NUMBL: variants seen among roughly 807,000 people sequenced by gnomAD.
NUMBL encodes NUMB like endocytic adaptor protein.
In NUMBL, 20 loss-of-function variants were observed where a neutral mutation model predicts 48.9. The observed-to-expected ratio is 0.41, with a 90% CI of 0.29 to 0.59. The LOEUF (loss-of-function observed/expected upper bound fraction) is 0.59. NUMBL is among the 20% of genes least tolerant of loss of function. The pLI, the probability that NUMBL is intolerant of heterozygous loss-of-function variation, is 0.31. For missense variants in NUMBL, 660 were observed against 846.2 expected, an observed-to-expected ratio of 0.78 and a Z score of 2.73; for synonymous variants, 340 against 348.7, an observed-to-expected ratio of 0.98 and a Z score of 0.28.
rs767929280 is a variant in NUMBL at position 40,666,139 on chromosome 19, G to GTTTTTTTTTTTTTTTT, written c.*1328_*1329insAAAAAAAAAAAAAAAA. On this transcript the variant is annotated 3_prime_UTR_variant, in exon 10 of 10. Transcript: ENST00000252891. ...ATTAATATTGAGCTAATTAGAAGTA[G>GTTTTTTTTTTTTTTTT]TTTTTTTTTTTTTGTTTTTTTTTTT... 2.4e-5 allele frequency: 3 copies of GTTTTTTTTTTTTTTTT among 125,968 alleles called. No homozygotes were observed. Among genetic ancestry groups the GTTTTTTTTTTTTTTTT allele is most frequent in the African/African-American group, 3.1e-5 (1 of 32,362 alleles). The allele number at this position is 125,968 out of a possible 1,614,324, so 7.8% of individuals were successfully genotyped here.
chr19:40,676,657 A>C (rs1230967164), intron 7 of NUMBL, among the ~76,000 whole-genome samples: 3 of 144,636 alleles, frequency 2.1e-5, no homozygotes, highest in Non-Finnish European at 4.5e-5. Context: ...ACACCATTGC[A>C]CTCCAGCCTG....
rs907555669 is a variant in NUMBL at position 40,690,479 on chromosome 19, G to A, written c.5C>T (p.Ser2Phe). ...TCTCACGCTGGCCGCCGCGCTGCGG[G>A]ACATCCAGGGCCCGGGCGCCCCCGC... Reference protein sequence around the residue: MSRSAAASGGPR... With the variant: MFRSAAASGGPR... Residue 2 changes from serine to phenylalanine, a missense_variant, in exon 1 of 10, where the codon TCC (serine) becomes TTC (phenylalanine). Ser to Phe is a radical substitution (Grantham distance 155). This residue lies in a region of NUMBL where 86 missense variants were observed against 85.9 expected (regional missense o/e 1.00). Transcript: ENST00000252891. The A allele has an allele frequency of 2.3e-6, 3 of 1,306,554 alleles. No homozygotes were observed. The highest frequency in any genetic ancestry group is 3.0e-5 in the African/African-American group (2 of 65,622). 80.9% of individuals were successfully genotyped at this position (1,306,554 alleles called of 1,614,324 possible).
At chr19:40,689,750 G>T (rs1024153852) in intron 1 of NUMBL, among the ~76,000 whole-genome samples, 3 of 152,182 alleles carry the variant, frequency 2.0e-5, no homozygotes, top group Admixed American at 6.5e-5. Context: ...TGGGGACAAA[G>T]GGGGTGGCCT....
In NUMBL at chr19:40,688,484, C is replaced by T. The variant is rs546856213; in HGVS notation, c.25-1489G>A. ...TTTACACAGAAGACACAGGTCCTGACGGAGCCATGTGCACAGTCAGGGGCC... is the reference window on the plus strand; with the variant it reads ...TTTACACAGAAGACACAGGTCCTGATGGAGCCATGTGCACAGTCAGGGGCC... On this transcript the variant is annotated intron_variant, in intron 1 of 9. Transcript: ENST00000252891. This position sits in a 1 kb window ranked among gnomAD's most constrained non-coding sequence, Gnocchi z 4.6. Among the ~76,000 whole-genome samples, 22 of 152,296 alleles carry T rather than the reference C, an allele frequency of 1.4e-4. No individual in the cohort carries two copies. Among genetic ancestry groups the T allele is most frequent in the East Asian group, 9.6e-4 (5 of 5,190 alleles).
chr19:40,677,074 A>G (rs1054387584), intron 7 of NUMBL, among the ~76,000 whole-genome samples, 158 bp downstream of exon 7: 3 of 152,194 alleles, frequency 2.0e-5, no homozygotes, highest in Non-Finnish European at 4.4e-5. Flanking sequence ...TCGGCCTCTC[A>G]AAGTGCTGGG....
In NUMBL at chr19:40,667,333, G is replaced by A; in HGVS notation, c.*135C>T. ...AATGTTGGTTCTGTAGTGGTTGTCG[G>A]GGTGGTTGAGGGAGGGGGGTGTTGA... On this transcript the variant is annotated 3_prime_UTR_variant, in exon 10 of 10. Coordinates refer to ENST00000252891, the MANE Select transcript of NUMBL (RefSeq NM_004756.5). This position sits in a 1 kb window ranked among gnomAD's most constrained non-coding sequence, Gnocchi z 6.1. 1.6e-6 allele frequency: 2 copies of A among 1,260,150 alleles called. No individual in the cohort carries two copies. The highest frequency in any genetic ancestry group is 2.2e-6 in the Non-Finnish European group (2 of 930,156). The allele number at this position is 1,260,150 out of a possible 1,614,324, so 78.1% of individuals were successfully genotyped here.
chr19:40,668,605 C>T (rs1021683031), intron 9 of NUMBL, among the ~76,000 whole-genome samples: 5 of 151,954 alleles, frequency 3.3e-5, no homozygotes, highest in Admixed American at 1.3e-4. Flanking sequence ...ATTACAGGCG[C>T]GCACCATTAC....
Position 40,678,718 on chromosome 19 carries a change from GA to G in NUMBL, c.541-1298del, listed in dbSNP as rs573339951. 6.7e-3 allele frequency among the ~76,000 whole-genome samples: 1,012 copies of G among 150,266 alleles called. 15 individuals are homozygous for G. The highest frequency in any genetic ancestry group is 0.014 in the Middle Eastern group (4 of 292). ...AGACAATCATATCTTTCGCTTTGAA[GA>G]AAAAAAAAATCTGGAAACAAATACG... On this transcript the variant is annotated intron_variant, in intron 6 of 9. Coordinates refer to ENST00000252891, the MANE Select transcript of NUMBL (RefSeq NM_004756.5).
At chr19:40,681,659 C>A (rs1289534286) in intron 5 of NUMBL, among the ~76,000 whole-genome samples, 1 of 151,976 alleles carries the variant, frequency 6.6e-6, no homozygotes, top group African/African-American at 2.4e-5. Context: ...ATGTACTAGA[C>A]CCCATTTAAA....
Position 40,684,575 on chromosome 19 carries a change from G to A in NUMBL, c.110-19C>T. 1 of 1,591,992 alleles carries A rather than the reference G, an allele frequency of 6.3e-7. No individual in the cohort carries two copies. Among genetic ancestry groups the A allele is most frequent in the Non-Finnish European group, 8.6e-7 (1 of 1,165,348 alleles). ...GCCCCGTCTGGTGACACAGGACAGT[G>A]ATGTGGGTCAAGGGTGGGGGTCAGA... is the stretch of plus-strand genomic sequence containing the variant. On this transcript the variant is annotated intron_variant, in intron 2 of 9. Coordinates refer to ENST00000252891, the MANE Select transcript of NUMBL (RefSeq NM_004756.5).
At chr19:40,684,728 A>T in intron 2 of NUMBL, 172 bp from the exon 3 acceptor site, 1 of 884,276 alleles carries the variant, frequency 1.1e-6, no homozygotes, top group Non-Finnish European at 1.6e-6. Context: ...GTCAGGGGAC[A>T]GTGAGGAAAG....
At chr19:40,684,217 C>T (rs866778538) in intron 3 of NUMBL, 200 bp downstream of exon 3, 73 of 571,684 alleles carry the variant, frequency 1.3e-4, no homozygotes, top group African/African-American at 1.2e-3. Context: ...TACAGGCGCC[C>T]GCCACCACGC....
At chr19:40,683,845 A>T (rs761280480) in intron 3 of NUMBL, among the ~76,000 whole-genome samples, 1 of 151,102 alleles carries the variant, frequency 6.6e-6, no homozygotes, top group Non-Finnish European at 1.5e-5. Context: ...GGCACAATTA[A>T]GGCTCACTGC....
rs1178419380 is a variant in NUMBL at position 40,687,532 on chromosome 19, C to G, written c.25-537G>C. 6.6e-6 allele frequency among the ~76,000 whole-genome samples: 1 copy of G among 152,204 alleles called. No homozygotes were observed. Among genetic ancestry groups the G allele is most frequent in the Non-Finnish European group, 1.5e-5 (1 of 68,046 alleles). ...GCAGCATGTCCTGGCCCACTCAGTT[C>G]CCACCGCAGACACCTGGTCACACCA... On this transcript the variant is annotated intron_variant, in intron 1 of 9. Transcript: ENST00000252891. This position sits in a 1 kb window ranked among gnomAD's most constrained non-coding sequence, Gnocchi z 4.6.
chr19:40,666,940 A>G lies in NUMBL; in HGVS notation c.*528T>C, dbSNP rs995021921. On this transcript the variant is annotated 3_prime_UTR_variant, in exon 10 of 10. Coordinates refer to ENST00000252891, the MANE Select transcript of NUMBL (RefSeq NM_004756.5). ...TTGGCCCAAGGAAGACATGGGCCCC[A>G]AAGTTGGAGGGTGATGGAGGTGAGT... The G allele has an allele frequency of 1.3e-5, 2 of 156,176 alleles. No homozygotes were observed. Among genetic ancestry groups the G allele is most frequent in the Admixed American group, 1.2e-4 (2 of 16,178 alleles). 9.7% of individuals were successfully genotyped at this position (156,176 alleles called of 1,614,324 possible).
chr19:40,681,155 G>C, intron 5 of NUMBL, 98 bp from the exon 6 acceptor site: 1 of 1,357,842 alleles, frequency 7.4e-7, no homozygotes, highest in Non-Finnish European at 1.0e-6. Flanking sequence ...GTCCTGAACA[G>C]GGTGGGGACC....
At chr19:40,676,592 G>A (rs1033004937) in intron 7 of NUMBL, among the ~76,000 whole-genome samples, 11 of 151,316 alleles carry the variant, frequency 7.3e-5, no homozygotes, top group Admixed American at 5.9e-4. Flanking sequence ...CTACTCGGGA[G>A]GCTGAGGCAG....
intron 3 of NUMBL, 51 bp from the exon 4 acceptor site, chr19:40,683,019 TC>T: frequency 6.7e-7 from 1 of 1,498,102 alleles, no homozygotes; most frequent in Non-Finnish European, 9.3e-7. Flanking sequence ...CAGTAATCAC[TC>T]ATTCTCAGTG....
At chr19:40,680,080 A>G (rs1376933304) in intron 6 of NUMBL, among the ~76,000 whole-genome samples, 3 of 151,592 alleles carry the variant, frequency 2.0e-5, no homozygotes, top group African/African-American at 7.3e-5. Flanking sequence ...TTCTTTACCC[A>G]CAGGAGATGG....
Sources: allele counts gnomAD v4.1 joint callset (sites outside exome capture counted in the v4.1 genomes callset), GRCh38; gene constraint gnomAD v4.1.1; regional missense constraint gnomAD v4.1.1; non-coding constraint Gnocchi (gnomAD v3.1); transcripts MANE v1.5; gene names NCBI Gene and HGNC (gene_info 2026-07-23, HGNC 2026-07-21).